The following CADPS2 variants were observed in gnomAD, a reference collection of about 807,000 sequenced individuals.
CADPS2 encodes the protein calcium-dependent secretion activator 2.
In CADPS2, 93 loss-of-function variants were observed where a neutral mutation model predicts 172.5. That is an observed-to-expected ratio of 0.54 (90% CI 0.46 to 0.64). The LOEUF is 0.64. Ranked by LOEUF, CADPS2 falls within the 30% of genes least tolerant of loss-of-function variation. The pLI, the probability that CADPS2 is intolerant of heterozygous loss-of-function variation, is 0.00. For missense variants in CADPS2, 1,420 were observed against 1,565.9 expected (o/e 0.91, Z 1.57); for synonymous variants, 546 against 555.2 (o/e 0.98, Z 0.23).
intron 2 of CADPS2, among the ~76,000 whole-genome samples, chr7:122,682,598 AAT>A (rs1165924964): frequency 2.6e-5 from 4 of 152,386 alleles, no homozygotes; most frequent in Middle Eastern, 3.4e-3. Context: ...TCTGAAAAAA[AAT>A]ATGTGTTCCC....
chr7:122,719,260 G>A (rs932586650), intron 2 of CADPS2, among the ~76,000 whole-genome samples: 1 of 151,978 alleles, frequency 6.6e-6, no homozygotes, highest in African/African-American at 2.4e-5. Flanking sequence ...GGGAAGAAGG[G>A]GTGGGGGAGA....
chr7:122,425,577 G>C lies in CADPS2; in HGVS notation c.2477-9413C>G, dbSNP rs138867071. Among the ~76,000 whole-genome samples the C allele has an allele frequency of 7.3e-3, 1,110 of 152,106 alleles. 9 individuals carry two copies. The highest frequency in any genetic ancestry group is 0.011 in the Non-Finnish European group (744 of 68,006). On this transcript the variant is annotated intron_variant, in intron 17 of 29. Transcript: ENST00000449022. ...GCTGTGATTGCACCAGTGCACTCCA[G>C]CCTAGGTGACAGAGTGAGACCCTGT...
intron 1 of CADPS2, among the ~76,000 whole-genome samples, chr7:122,854,041 G>C (rs910221499): frequency 1.3e-5 from 2 of 152,164 alleles, no homozygotes; most frequent in African/African-American, 4.8e-5. Context: ...GTAACTGCTG[G>C]AGCGATGTCC....
chr7:122,431,929 G>A (rs2049982243), intron 17 of CADPS2, among the ~76,000 whole-genome samples: 2 of 131,980 alleles, frequency 1.5e-5, no homozygotes, highest in Non-Finnish European at 3.2e-5. Context: ...GGGGGCGGGG[G>A]TGGGGGTGGG....
intron 14 of CADPS2, among the ~76,000 whole-genome samples, chr7:122,460,269 G>A (rs533285618): frequency 1.1e-4 from 16 of 151,494 alleles, no homozygotes; most frequent in Non-Finnish European, 2.2e-4. Flanking sequence ...CCAAGGGTGG[G>A]AGAACAAAAC....
chr7:122,576,426 G>C (rs1215895419), intron 7 of CADPS2, among the ~76,000 whole-genome samples: 2 of 152,136 alleles, frequency 1.3e-5, no homozygotes, highest in African/African-American at 2.4e-5. Context: ...CATACCTGTA[G>C]AGTACAACTA....
intron 1 of CADPS2, among the ~76,000 whole-genome samples, chr7:122,776,122 T>A (rs2139234879): frequency 6.6e-6 from 1 of 152,326 alleles, no homozygotes; most frequent in Middle Eastern, 3.4e-3. Context: ...AATCTCATAT[T>A]GAATTGTAGC....
In CADPS2 at chr7:122,606,355, C is replaced by G. The variant is rs549383983; in HGVS notation, c.1223+8826G>C. On this transcript the variant is annotated intron_variant, in intron 6 of 29. Transcript: ENST00000449022. Reference sequence around the variant, plus strand: ...CTTACAGAATTAGAGGGTTCCTACTCAGTCCTATTAAAAATATACATGTGC... The same window carrying G: ...CTTACAGAATTAGAGGGTTCCTACTGAGTCCTATTAAAAATATACATGTGC... Among the ~76,000 whole-genome samples, 6 of 152,234 alleles carry G rather than the reference C, an allele frequency of 3.9e-5. No homozygotes were observed. The South Asian group carries it at 8.3e-4, about 21-fold the overall frequency.
At chr7:122,775,854 A>T (rs539774632) in intron 1 of CADPS2, among the ~76,000 whole-genome samples, 3 of 152,276 alleles carry the variant, frequency 2.0e-5, no homozygotes, top group African/African-American at 7.2e-5. Context: ...TTAGGAAGTC[A>T]TTCAAATTTA....
intron 2 of CADPS2, chr7:122,698,150 C>G (rs776447412): frequency 9.9e-6 from 16 of 1,613,724 alleles, no homozygotes; most frequent in African/African-American, 2.7e-5. Flanking sequence ...AAGCAAATTA[C>G]GCAGCTATCC....
chr7:122,444,019 A>G (rs1377546556), intron 15 of CADPS2, among the ~76,000 whole-genome samples: 1 of 152,104 alleles, frequency 6.6e-6, no homozygotes, highest in Non-Finnish European at 1.5e-5. Context: ...TTTCCTTGCT[A>G]TAATTTTGAT....
chr7:122,363,166 A>G (rs1410098765), intron 25 of CADPS2, among the ~76,000 whole-genome samples: 1 of 152,206 alleles, frequency 6.6e-6, no homozygotes, highest in Non-Finnish European at 1.5e-5. Flanking sequence ...CCAGAAGATG[A>G]ATACTCTAGG....
intron 6 of CADPS2, among the ~76,000 whole-genome samples, chr7:122,613,807 C>G (rs945038573): frequency 1.3e-5 from 2 of 151,386 alleles, no homozygotes; most frequent in Non-Finnish European, 2.9e-5. Context: ...TAAGTTTAGT[C>G]GATTGAATTA....
At chr7:122,873,032 G>A (rs1820191864) in intron 1 of CADPS2, among the ~76,000 whole-genome samples, 1 of 151,972 alleles carries the variant, frequency 6.6e-6, no homozygotes. Flanking sequence ...CTCCAGGAAA[G>A]GAGTACAGAA....
At chr7:122,714,451 A>G (rs1016521038) in intron 2 of CADPS2, among the ~76,000 whole-genome samples, 1 of 152,064 alleles carries the variant, frequency 6.6e-6, no homozygotes, top group Non-Finnish European at 1.5e-5. Context: ...TTGGTAAACA[A>G]CTTCTTTTAA....
At chr7:122,522,935 T>C (rs1202347410) in intron 8 of CADPS2, among the ~76,000 whole-genome samples, 1 of 152,202 alleles carries the variant, frequency 6.6e-6, no homozygotes, top group African/African-American at 2.4e-5. Context: ...TAGTATTCCA[T>C]TGTGTACATG....
chr7:122,746,274 C>T (rs1307059922), intron 1 of CADPS2, among the ~76,000 whole-genome samples: 1 of 152,160 alleles, frequency 6.6e-6, no homozygotes, highest in Non-Finnish European at 1.5e-5. Context: ...TCACTAACCA[C>T]ATGCAGCTAT....
At chr7:122,466,590 T>C (rs1563415225) in intron 14 of CADPS2, among the ~76,000 whole-genome samples, 1 of 152,180 alleles carries the variant, frequency 6.6e-6, no homozygotes, top group African/African-American at 2.4e-5. Context: ...AAAATTCACC[T>C]GAGTACTGCA....
At chr7:122,728,449 A>G (rs752070496) in intron 2 of CADPS2, among the ~76,000 whole-genome samples, 7 of 151,866 alleles carry the variant, frequency 4.6e-5, no homozygotes, top group Non-Finnish European at 1.0e-4. Context: ...ATTGGAGTAG[A>G]TATTCCCAAA....
Sources: allele counts gnomAD v4.1 joint callset (sites outside exome capture counted in the v4.1 genomes callset), GRCh38; gene constraint gnomAD v4.1.1; transcripts MANE v1.5; gene names NCBI Gene and HGNC (gene_info 2026-07-23, HGNC 2026-07-21).